The following PLEKHG4B variants were observed in gnomAD, a reference collection of about 807,000 sequenced individuals.
PLEKHG4B encodes pleckstrin homology and RhoGEF domain containing G4B.
A neutral mutation model predicts 121.3 loss-of-function variants in PLEKHG4B; 111 were observed. That is an observed-to-expected ratio of 0.92 (90% CI 0.78 to 1.07). The LOEUF (loss-of-function observed/expected upper bound fraction) is 1.07, where lower values mean the gene tolerates loss of function less well. Among genes scored for constraint, PLEKHG4B ranks in the 50% least tolerant of loss-of-function variants. The pLI, the probability that PLEKHG4B is intolerant of heterozygous loss-of-function variation, is 0.00. For synonymous variants in PLEKHG4B, 738 were observed against 725.0 expected (o/e 1.02, Z -0.29); for missense variants, 1,831 against 1,757.8 (o/e 1.04, Z -0.74).
At chr5:110,362 AAC>A (rs1734111639) in intron 1 of PLEKHG4B, among the ~76,000 whole-genome samples, 1 of 145,584 alleles carries the variant, frequency 6.9e-6, no homozygotes, top group Non-Finnish European at 1.5e-5. Context: ...GCCACTCTGC[AAC>A]ACACATGCAC....
chr5:179,320 C>T (rs1449282514), intron 18 of PLEKHG4B, among the ~76,000 whole-genome samples: 1 of 151,940 alleles, frequency 6.6e-6, no homozygotes, highest in African/African-American at 2.4e-5. Flanking sequence ...TGTTTTCTAC[C>T]TATTTGGTGA....
chr5:99,636 T>C (rs1464388713), intron 1 of PLEKHG4B, among the ~76,000 whole-genome samples: 2 of 152,154 alleles, frequency 1.3e-5, no homozygotes, highest in Non-Finnish European at 2.9e-5. Flanking sequence ...TCTAGCTTTT[T>C]GTGGATGTTT....
intron 2 of PLEKHG4B, among the ~76,000 whole-genome samples, chr5:116,247 G>A (rs1305556485): frequency 2.0e-5 from 3 of 152,110 alleles, no homozygotes; most frequent in Non-Finnish European, 2.9e-5. Context: ...AGCAGACTTC[G>A]GAACACACAC....
chr5:136,279 T>C (rs1734981804), intron 2 of PLEKHG4B, among the ~76,000 whole-genome samples: 1 of 152,176 alleles, frequency 6.6e-6, no homozygotes, highest in Admixed American at 6.5e-5. Flanking sequence ...TTTTTAGATA[T>C]GACACCAAAA....
chr5:188,523 A>G lies in PLEKHG4B; in HGVS notation c.*6200A>G, dbSNP rs554922771. The G allele has an allele frequency of 6.6e-6, 1 of 152,370 alleles. No individual in the cohort carries two copies. The highest frequency in any genetic ancestry group is 2.4e-5 in the African/African-American group (1 of 41,566). 9.4% of individuals were successfully genotyped at this position (152,370 alleles called of 1,614,324 possible). On this transcript the variant is annotated 3_prime_UTR_variant, in exon 20 of 20. Coordinates refer to ENST00000637938, the MANE Select transcript of PLEKHG4B (RefSeq NM_052909.5). ...AATGTGGGTTCTGTGTGCCTGTGAC[A>G]TAGAGAATGTTTTCCACACCGCGTG...
rs1038478259 is a variant in PLEKHG4B, at chr5:139,159, A to G, written c.244-324A>G. ...CAGGCTGGGACCACTCTGAGGGACA[A>G]CTCATCCTTCGGAGCGCCTGGTGGG... is the stretch of plus-strand genomic sequence containing the variant. On this transcript the variant is annotated intron_variant, in intron 2 of 19. Transcript: ENST00000637938. This position sits in a 1 kb window ranked among gnomAD's most constrained non-coding sequence, Gnocchi z 5.0. Among the ~76,000 whole-genome samples the G allele has an allele frequency of 6.6e-6, 1 of 152,032 alleles. No individual in the cohort carries two copies. The highest frequency in any genetic ancestry group is 1.5e-5 in the Non-Finnish European group (1 of 67,984).
chr5:158,417 G>T (rs1404767750), intron 11 of PLEKHG4B, among the ~76,000 whole-genome samples: 2 of 145,458 alleles, frequency 1.4e-5, no homozygotes, highest in African/African-American at 5.2e-5. Context: ...CCCATCCTGG[G>T]GGTCTCCTCC....
Position 171,379 on chromosome 5 carries a change from G to A in PLEKHG4B, c.3985G>A (p.Val1329Met), listed in dbSNP as rs201594048. 5.0e-5 allele frequency: 80 copies of A among 1,610,886 alleles called. No individual in the cohort carries two copies. The Middle Eastern group carries it at 6.6e-4, about 13-fold the overall frequency. Residue 1329 changes from valine (V) to methionine (M), a missense_variant, in exon 16 of 20, where the codon GTG becomes ATG. By Grantham distance (21) the Val-to-Met change is conservative (BLOSUM62 1). Coordinates refer to ENST00000637938, the MANE Select transcript of PLEKHG4B (RefSeq NM_052909.5). ...GGGCGAGCTCCGAGCCGCCGAGGTC[G>A]TGGTCTGCTTCCAGCTGCGTCACGG... is the stretch of plus-strand genomic sequence containing the variant. ...ELGELRAAEVVVCFQLRHGND... is the reference protein window; with the variant it reads ...ELGELRAAEVMVCFQLRHGND...
intron 18 of PLEKHG4B, among the ~76,000 whole-genome samples, chr5:176,940 G>A (rs1736776891): frequency 1.3e-5 from 2 of 152,240 alleles, no homozygotes. Flanking sequence ...CACCTGGAAA[G>A]TGGAGCCTAA....
intron 12 of PLEKHG4B, 81 bp from the exon 13 acceptor site, chr5:162,641 C>T: frequency 5.6e-6 from 6 of 1,078,398 alleles, no homozygotes; most frequent in Non-Finnish European, 6.1e-6. Flanking sequence ...AATAGGCTGA[C>T]CTGGGGAACA....
chr5:114,112 C>T (rs1453972947), intron 2 of PLEKHG4B, among the ~76,000 whole-genome samples: 2 of 152,124 alleles, frequency 1.3e-5, no homozygotes, highest in Non-Finnish European at 2.9e-5. Context: ...ATTATCTGAG[C>T]CTTTGGTGAG....
chr5:184,022 TA>T lies in PLEKHG4B; in HGVS notation c.*1700del, dbSNP rs202199000. ...ATAGATAGATAGATAGATAGATAGA[TA>T]GATAGACTGACAGACAGATGAGAGG... is the stretch of plus-strand genomic sequence containing the variant. On this transcript the variant is annotated 3_prime_UTR_variant, in exon 20 of 20. Coordinates refer to ENST00000637938, the MANE Select transcript of PLEKHG4B (RefSeq NM_052909.5). 1.4e-5 allele frequency: 2 copies of T among 144,160 alleles called. No individual in the cohort carries two copies. Among genetic ancestry groups the T allele is most frequent in the African/African-American group, 5.4e-5 (2 of 36,884 alleles). The allele number at this position is 144,160 out of a possible 1,614,324, so 8.9% of individuals were successfully genotyped here. A position where few individuals can be genotyped will look rare whatever the true frequency, so the allele number is the denominator to read the frequency against.
At chr5:110,401 GCA>G (rs1430695748) in intron 1 of PLEKHG4B, among the ~76,000 whole-genome samples, 1 of 146,298 alleles carries the variant, frequency 6.8e-6, no homozygotes, top group African/African-American at 2.6e-5. Flanking sequence ...CAACACACGT[GCA>G]CACACCCACA....
chr5:122,177 C>T (rs1278171802), intron 2 of PLEKHG4B, among the ~76,000 whole-genome samples: 3 of 151,674 alleles, frequency 2.0e-5, no homozygotes, highest in Non-Finnish European at 4.4e-5. Context: ...ACTAAATATT[C>T]AAGAGATAAA....
intron 18 of PLEKHG4B, among the ~76,000 whole-genome samples, chr5:178,207 G>C (rs530203078): frequency 4.0e-4 from 61 of 152,304 alleles, no homozygotes; most frequent in African/African-American, 1.3e-3. Context: ...TAACACTTTA[G>C]TGCAGCAGGT....
rs1417458341 is a variant in PLEKHG4B at position 139,806 on chromosome 5, A to T, written c.567A>T (p.Arg189=). The change falls in exon 3 of 20, where the codon CGA becomes CGT. Residue 189 remains arginine, a synonymous_variant. Transcript: ENST00000637938. This position sits in a 1 kb window ranked among gnomAD's most constrained non-coding sequence, Gnocchi z 5.0. ...TGACCTCAGGCTTGGCCGTCCACCGAGCCCCGTGGAGCGACGTCACTGACC... is the reference window on the plus strand; with the variant it reads ...TGACCTCAGGCTTGGCCGTCCACCGTGCCCCGTGGAGCGACGTCACTGACC... The part of the protein sequence containing the change: ...CLLTSGLAVH[R]APWSDVTDPV... 2.5e-6 allele frequency: 1 copy of T among 398,514 alleles called. No homozygotes were observed. Among genetic ancestry groups the T allele is most frequent in the Non-Finnish European group, 4.4e-6 (1 of 226,228 alleles). 24.7% of individuals were successfully genotyped at this position (398,514 alleles called of 1,614,324 possible). A position where few individuals can be genotyped will look rare whatever the true frequency, so the allele number is the denominator to read the frequency against.
chr5:150,496 T>C (rs1735572410), intron 6 of PLEKHG4B, among the ~76,000 whole-genome samples: 2 of 152,276 alleles, frequency 1.3e-5, no homozygotes, highest in African/African-American at 4.8e-5. Context: ...AAAATGATGA[T>C]GATAGTGTTT....
intron 2 of PLEKHG4B, among the ~76,000 whole-genome samples, chr5:134,672 A>G (rs1734895295): frequency 6.6e-6 from 1 of 151,898 alleles, no homozygotes; most frequent in Admixed American, 6.6e-5. Context: ...TGGCTGAGAC[A>G]CGAGAATCAC....
At chr5:124,458 T>C (rs1012561762) in intron 2 of PLEKHG4B, among the ~76,000 whole-genome samples, 6 of 152,246 alleles carry the variant, frequency 3.9e-5, no homozygotes, top group African/African-American at 1.4e-4. Flanking sequence ...GGTTCTTCTG[T>C]CCATTGACAG....
Sources: gnomAD v4.1 joint callset for allele counts (sites outside exome capture counted in the v4.1 genomes callset) on GRCh38, gnomAD v4.1.1 for gene constraint, Gnocchi (gnomAD v3.1) non-coding constraint, MANE v1.5 for transcripts, NCBI Gene and HGNC (gene_info 2026-07-23, HGNC 2026-07-21) for gene names.